Variants in KIF26A observed in about 807,000 individuals in gnomAD.
KIF26A encodes kinesin family member 26A, also known as kinesin-like protein KIF26A.
Under a neutral mutation model 126.0 loss-of-function variants are expected in KIF26A, and 74 were observed. The ratio of observed to expected loss-of-function variants is 0.59; its 90% CI spans 0.49 to 0.71. KIF26A has a LOEUF of 0.71. Among genes scored for constraint, KIF26A ranks in the 30% least tolerant of loss-of-function variants. The pLI is 0.00. For synonymous variants in KIF26A, 1,445 were observed against 1,232.7 expected (o/e 1.17, Z -3.61); for missense variants, 2,984 against 2,763.3 (o/e 1.08, Z -1.79).
At position 104,177,150 on chromosome 14, in the gene KIF26A, C is replaced by A; in HGVS notation, c.4362C>A (p.Ala1454=). The part of the protein sequence containing the change: ...LAHSSSKGRE[A]PGRPPRAVPK... Reference sequence around the variant, plus strand: ...ACAGCAGCAGCAAGGGCCGGGAAGCCCCTGGGCGGCCTCCCCGGGCTGTAC... The same window carrying A: ...ACAGCAGCAGCAAGGGCCGGGAAGCACCTGGGCGGCCTCCCCGGGCTGTAC... Residue 1454 remains alanine, a synonymous_variant, in exon 12 of 15, where the codon GCC becomes GCA. Transcript: ENST00000423312. 1 of 1,597,652 alleles carries A rather than the reference C, an allele frequency of 6.3e-7. No homozygotes were observed. The highest frequency in any genetic ancestry group is 8.5e-7 in the Non-Finnish European group (1 of 1,179,270).
chr14:104,172,707 C>A, intron 7 of KIF26A, 39 bp downstream of exon 7: 1 of 1,439,642 alleles, frequency 6.9e-7, no homozygotes, highest in Non-Finnish European at 9.7e-7. Flanking sequence ...GTCCTGCTGG[C>A]CACCCCCTCC....
At chr14:104,171,386 C>T (rs571409336) in intron 5 of KIF26A, among the ~76,000 whole-genome samples, 1 of 152,292 alleles carries the variant, frequency 6.6e-6, no homozygotes, top group Admixed American at 6.5e-5. Context: ...CTGCCCTCTC[C>T]TGGACTGAGC....
Position 104,176,352 on chromosome 14 carries a change from C to T in KIF26A, c.3564C>T (p.Pro1188=), listed in dbSNP as rs774259284. ...TGGCTGCAGTGGCCCCATCCCGACCCGGCAGGGAGCCCCAGGCCGGGCCCT... is the reference window on the plus strand; with the variant it reads ...TGGCTGCAGTGGCCCCATCCCGACCTGGCAGGGAGCCCCAGGCCGGGCCCT... ...GEVAAVAPSR[P]GREPQAGPSR... is the part of the protein sequence containing the mutation. Residue 1188 remains proline, a synonymous_variant, in exon 12 of 15, where the codon CCC becomes CCT. Transcript: ENST00000423312. 31 of 1,581,856 alleles carry T rather than the reference C, an allele frequency of 2.0e-5. No individual in the cohort carries two copies. The highest frequency in any genetic ancestry group is 5.7e-5 in the South Asian group (5 of 88,080).
chr14:104,165,479 GTA>G (rs1300996262), intron 4 of KIF26A, among the ~76,000 whole-genome samples: 3 of 149,380 alleles, frequency 2.0e-5, no homozygotes, highest in Non-Finnish European at 4.5e-5. Context: ...GGGCCTCTGT[GTA>G]TGTTTCCATG....
chr14:104,173,171 C>G lies in KIF26A; in HGVS notation c.1615C>G (p.Pro539Ala), dbSNP rs761585176. 2 of 1,611,618 alleles carry G rather than the reference C, an allele frequency of 1.2e-6. No homozygotes were observed. Among genetic ancestry groups the G allele is most frequent in the Admixed American group, 3.3e-5 (2 of 59,914 alleles). Residue 539 changes from proline to alanine, a missense_variant, in exon 8 of 15, where the codon CCT becomes GCT. Pro to Ala is a conservative substitution (Grantham distance 27). Transcript: ENST00000423312. ...SLRDLLAEVA[P>A]GSLQDTQSPG... is the part of the protein sequence containing the mutation. Reference sequence around the variant, plus strand: ...GCGGGACCTGCTGGCCGAGGTGGCCCCTGGCAGCCTCCAGGACACCCAGTC... The same window carrying G: ...GCGGGACCTGCTGGCCGAGGTGGCCGCTGGCAGCCTCCAGGACACCCAGTC...
intron 11 of KIF26A, 111 bp downstream of exon 11, chr14:104,174,421 G>C: frequency 2.7e-6 from 3 of 1,123,014 alleles, no homozygotes; most frequent in Non-Finnish European, 3.6e-6. Flanking sequence ...CCTGGAGCCT[G>C]GGTAGATGTC....
At chr14:104,154,516 C>T (rs2037759236) in intron 3 of KIF26A, among the ~76,000 whole-genome samples, 1 of 152,162 alleles carries the variant, frequency 6.6e-6, no homozygotes, top group African/African-American at 2.4e-5. Flanking sequence ...TCCAGCGGTT[C>T]TTCCCGGACT....
In KIF26A at chr14:104,173,088, G is replaced by T. The variant is rs1219245488; in HGVS notation, c.1532G>T (p.Gly511Val). 5.6e-6 allele frequency: 9 copies of T among 1,604,416 alleles called. No homozygotes were observed. Among genetic ancestry groups the T allele is most frequent in the Non-Finnish European group, 7.6e-6 (9 of 1,176,594 alleles). ...RLIEERRERTGTRFSVRVSAV... is the reference protein window; with the variant it reads ...RLIEERRERTVTRFSVRVSAV... ...ATCGAGGAGCGCAGGGAGAGGACGG[G>T]CACCCGCTTCTCCGTCCGGGTCTCA... The change falls in exon 8 of 15, where the codon GGC becomes GTC. Residue 511 changes from glycine to valine, a missense_variant. By Grantham distance (109) the Gly-to-Val change is moderately radical. Coordinates refer to ENST00000423312, the MANE Select transcript of KIF26A (RefSeq NM_015656.2).
chr14:104,167,780 C>T (rs1294896214), intron 5 of KIF26A, among the ~76,000 whole-genome samples: 2 of 152,162 alleles, frequency 1.3e-5, no homozygotes, highest in Non-Finnish European at 2.9e-5. Flanking sequence ...TGTGTGCCCC[C>T]GGTGGCTTTT....
chr14:104,139,467 G>A (rs2037616198), intron 2 of KIF26A, among the ~76,000 whole-genome samples, 179 bp downstream of exon 2: 1 of 152,250 alleles, frequency 6.6e-6, no homozygotes, highest in South Asian at 2.1e-4. Context: ...CACCATGTGT[G>A]AGCTAGGGAG....
Position 104,180,133 on chromosome 14 carries a change from C to T in KIF26A, c.*343C>T, listed in dbSNP as rs1414732592. On this transcript the variant is annotated 3_prime_UTR_variant, in exon 15 of 15. Coordinates refer to ENST00000423312, the MANE Select transcript of KIF26A (RefSeq NM_015656.2). ...CCCGCTGCGCCTGTCCGGGCCGGGGCTGGCGCCGGTTGTGTTTGTGTCCAC... is the reference window on the plus strand; with the variant it reads ...CCCGCTGCGCCTGTCCGGGCCGGGGTTGGCGCCGGTTGTGTTTGTGTCCAC... 4.1e-6 allele frequency: 1 copy of T among 241,044 alleles called. No homozygotes were observed. Among genetic ancestry groups the T allele is most frequent in the Non-Finnish European group, 8.0e-6 (1 of 125,372 alleles). The allele number at this position is 241,044 out of a possible 1,614,324, so 14.9% of individuals were successfully genotyped here. A position where few individuals can be genotyped will look rare whatever the true frequency, so the allele number is the denominator to read the frequency against.
rs753051137 is a variant in KIF26A at position 104,177,545 on chromosome 14, C to T, written c.4757C>T (p.Ala1586Val). 43 of 1,537,448 alleles carry T rather than the reference C, an allele frequency of 2.8e-5. No homozygotes were observed. The highest frequency in any genetic ancestry group is 2.7e-4 in the African/African-American group (20 of 72,954). The change falls in exon 12 of 15, where the codon GCG becomes GTG. Residue 1586 changes from alanine (A) to valine (V), a missense_variant. Transcript: ENST00000423312. ...CGAGGTGGCTCCTCGTGGGGCTCGG[C>T]GGACTCAGACAGCGGCCATGACAGC... ...PGRGGSSWGS[A>V]DSDSGHDSGV...
At chr14:104,166,222 G>C (rs1171708576) in intron 4 of KIF26A, among the ~76,000 whole-genome samples, 4 of 152,150 alleles carry the variant, frequency 2.6e-5, no homozygotes, top group Non-Finnish European at 4.4e-5. Flanking sequence ...TGGCTCTAGG[G>C]CCTTGGTGAT....
At position 104,152,838 on chromosome 14, in the gene KIF26A, G is replaced by A. The variant is rs1345260524; in HGVS notation, c.735+377G>A. Among the ~76,000 whole-genome samples the A allele has an allele frequency of 6.6e-6, 1 of 152,204 alleles. No individual in the cohort carries two copies. Among genetic ancestry groups the A allele is most frequent in the African/African-American group, 2.4e-5 (1 of 41,452 alleles). On this transcript the variant is annotated intron_variant, in intron 3 of 14. Transcript: ENST00000423312. The surrounding 1 kb of genome is among the most constrained non-coding windows in gnomAD (Gnocchi z 5.9). The stretch of plus-strand genomic sequence containing the variant: ...TAGGAGGGCCCTTGTGGCAGAGCGA[G>A]GGCCTGTGTGGAGGCCTGGGGGTGT...
At position 104,173,235 on chromosome 14, in the gene KIF26A, C is replaced by G. The variant is rs371178408; in HGVS notation, c.1679C>G (p.Ala560Gly). 6.2e-7 allele frequency: 1 copy of G among 1,606,442 alleles called. No homozygotes were observed. Among genetic ancestry groups the G allele is most frequent in the South Asian group, 1.1e-5 (1 of 90,786 alleles). Reference sequence around the variant, plus strand: ...CTGCGGGAGGACCCCGTGTGTGGGGCGCAGGTGCGCCTGCCTACTGTCCCA... The same window carrying G: ...CTGCGGGAGGACCCCGTGTGTGGGGGGCAGGTGCGCCTGCCTACTGTCCCA... The part of the protein sequence containing the change: ...VYLREDPVCG[A>G]QLQNQSELRA... Residue 560 changes from alanine (A) to glycine (G), a missense_variant, in exon 8 of 15, where the codon GCG becomes GGG. Ala to Gly is a moderately conservative substitution (Grantham distance 60). Transcript: ENST00000423312.
chr14:104,144,126 A>G (rs1557014), intron 2 of KIF26A, among the ~76,000 whole-genome samples: 69,834 of 151,948 alleles, frequency 0.46, 17,197 homozygotes, highest in Non-Finnish European at 0.55. Flanking sequence ...GTGGTTCAGC[A>G]TGTGATGGGT....
intron 3 of KIF26A, among the ~76,000 whole-genome samples, chr14:104,153,387 C>T (rs1341198552): frequency 6.8e-6 from 1 of 146,292 alleles, no homozygotes; most frequent in Non-Finnish European, 1.6e-5. Flanking sequence ...GCCTTGGCAC[C>T]TACACCCTTC....
Position 104,171,629 on chromosome 14 carries a change from C to A in KIF26A, c.1114-94C>A, listed in dbSNP as rs1315091008. ...GGGGGTGCCAGTGTGAGGCCTGGCC[C>A]GCTGTCCCCACCTGAGCTGGGCCCC... On this transcript the variant is annotated intron_variant, in intron 5 of 14. Coordinates refer to ENST00000423312, the MANE Select transcript of KIF26A (RefSeq NM_015656.2). The A allele has an allele frequency of 8.2e-6, 9 of 1,103,012 alleles. No individual in the cohort carries two copies. The South Asian group carries it at 1.2e-4, about 14-fold the overall frequency. 68.3% of individuals were successfully genotyped at this position (1,103,012 alleles called of 1,614,324 possible). A position where few individuals can be genotyped will look rare whatever the true frequency, so the allele number is the denominator to read the frequency against.
chr14:104,138,677 C>T lies in KIF26A; in HGVS notation c.-46C>T. On this transcript the variant is annotated 5_prime_UTR_variant, in exon 1 of 15. Coordinates refer to ENST00000423312, the MANE Select transcript of KIF26A (RefSeq NM_015656.2). ...ACGTAGCCGCGGCGCCCCCGGAGAG[C>T]CAGCGTGGCCGGGAGCGCCTGCCGG... 1.6e-6 allele frequency: 2 copies of T among 1,254,040 alleles called. No homozygotes were observed. Among genetic ancestry groups the T allele is most frequent in the South Asian group, 2.5e-5 (1 of 39,520 alleles). The allele number at this position is 1,254,040 out of a possible 1,614,324, so 77.7% of individuals were successfully genotyped here.
Sources: allele counts gnomAD v4.1 joint callset (sites outside exome capture counted in the v4.1 genomes callset), GRCh38; gene constraint gnomAD v4.1.1; non-coding constraint Gnocchi (gnomAD v3.1); transcripts MANE v1.5; gene names NCBI Gene and HGNC (gene_info 2026-07-23, HGNC 2026-07-21).